ADAMTSL1: variants seen among roughly 807,000 people sequenced by gnomAD.
ADAMTSL1 encodes the protein ADAMTS-like protein 1.
ADAMTSL1 carries 126 observed loss-of-function variants against 201.8 expected under a neutral mutation model. That is an observed-to-expected ratio of 0.62 (90% CI 0.54 to 0.72). The LOEUF (loss-of-function observed/expected upper bound fraction) is 0.72, where lower values mean the gene tolerates loss of function less well. Ranked by LOEUF, ADAMTSL1 falls within the 30% of genes least tolerant of loss-of-function variation. The pLI, the probability that ADAMTSL1 is intolerant of heterozygous loss-of-function variation, is 0.00. For synonymous variants in ADAMTSL1, 1,121 were observed against 903.4 expected (o/e 1.24, Z -4.32); for missense variants, 2,679 against 2,277.8 (o/e 1.18, Z -3.59).
At chr9:18,313,366 C>T (rs1053986378) in intron 2 of ADAMTSL1, among the ~76,000 whole-genome samples, 2 of 152,092 alleles carry the variant, frequency 1.3e-5, no homozygotes, top group Non-Finnish European at 2.9e-5. Flanking sequence ...TTACCTCACC[C>T]CAGGTGAGTT....
Position 18,890,729 on chromosome 9 carries a change from C to G in ADAMTSL1, c.4643+981C>G, listed in dbSNP as rs75980004. On this transcript the variant is annotated intron_variant, in intron 25 of 28. Transcript: ENST00000380548. ...GCCCGCTCCTTTCTCAAACCCCCCC[C>G]ACCCCAGCTCCTGAAAAATTGCTGA... 1,831 of 356,196 alleles carry G rather than the reference C, an allele frequency of 5.1e-3. 124 individuals carry two copies. The East Asian group carries it at 0.13, about 26-fold the overall frequency. 22.1% of individuals were successfully genotyped at this position (356,196 alleles called of 1,614,324 possible).
chr9:18,625,936 G>A (rs372317400), intron 5 of ADAMTSL1, among the ~76,000 whole-genome samples: 1 of 152,150 alleles, frequency 6.6e-6, no homozygotes, highest in African/African-American at 2.4e-5. Context: ...ACGTATAATG[G>A]CTATGGGTAA....
intron 2 of ADAMTSL1, among the ~76,000 whole-genome samples, chr9:18,179,206 G>T (rs891140918): frequency 2.0e-5 from 3 of 152,096 alleles, no homozygotes; most frequent in Non-Finnish European, 4.4e-5. Flanking sequence ...TGAAAACCAA[G>T]GCTCGAGAAC....
chr9:18,063,031 T>C (rs927794909), intron 1 of ADAMTSL1, among the ~76,000 whole-genome samples: 3 of 152,224 alleles, frequency 2.0e-5, no homozygotes, highest in African/African-American at 7.2e-5. Flanking sequence ...AGTTTTCATA[T>C]TACAAAAAAG....
chr9:18,707,911 C>G (rs1173066921), intron 14 of ADAMTSL1, among the ~76,000 whole-genome samples: 2 of 152,202 alleles, frequency 1.3e-5, no homozygotes, highest in African/African-American at 4.8e-5. Flanking sequence ...ACTGATTCTT[C>G]AAGATTACGA....
chr9:18,290,686 A>G (rs79983969), intron 2 of ADAMTSL1, among the ~76,000 whole-genome samples: 3,105 of 152,126 alleles, frequency 0.02, 42 homozygotes, highest in Non-Finnish European at 0.031. Flanking sequence ...AAAACAACCA[A>G]TGAAAGAAGG....
At chr9:18,567,958 A>G (rs1409449367) in intron 3 of ADAMTSL1, among the ~76,000 whole-genome samples, 2 of 152,344 alleles carry the variant, frequency 1.3e-5, no homozygotes, top group Middle Eastern at 3.4e-3. Flanking sequence ...CTATGCAGTT[A>G]TAACTCTATG....
intron 19 of ADAMTSL1, among the ~76,000 whole-genome samples, chr9:18,783,381 C>A (rs1821516515): frequency 6.6e-6 from 1 of 152,152 alleles, no homozygotes; most frequent in Non-Finnish European, 1.5e-5. Flanking sequence ...ACTCCCACAT[C>A]CTCCCCTACC....
chr9:18,606,350 T>C (rs1489912805), intron 4 of ADAMTSL1, among the ~76,000 whole-genome samples: 3 of 152,138 alleles, frequency 2.0e-5, no homozygotes, highest in African/African-American at 7.2e-5. Context: ...TATCTTTGTT[T>C]TTTGAGTGCC....
intron 2 of ADAMTSL1, among the ~76,000 whole-genome samples, chr9:18,328,006 C>G (rs1344077348): frequency 6.6e-6 from 1 of 151,988 alleles, no homozygotes; most frequent in Non-Finnish European, 1.5e-5. Context: ...AAAAGAAATC[C>G]ACACTGGAAA....
chr9:18,741,486 A>C (rs1057501138), intron 15 of ADAMTSL1, among the ~76,000 whole-genome samples: 1 of 152,236 alleles, frequency 6.6e-6, no homozygotes, highest in Non-Finnish European at 1.5e-5. Context: ...ACTCATGAAT[A>C]TAAATGTCCA....
At chr9:18,504,986 T>G in intron 2 of ADAMTSL1, 30 bp downstream of exon 2, 1 of 1,587,920 alleles carries the variant, frequency 6.3e-7, no homozygotes, top group South Asian at 1.1e-5. Flanking sequence ...GGGGTCTTTG[T>G]GAGAACCAGA....
At chr9:18,833,186 T>C (rs1825098627) in intron 23 of ADAMTSL1, among the ~76,000 whole-genome samples, 1 of 152,238 alleles carries the variant, frequency 6.6e-6, no homozygotes, top group African/African-American at 2.4e-5. Flanking sequence ...CAAGTGCTTG[T>C]TGCTCTCATA....
chr9:18,235,809 C>G (rs561417280), intron 2 of ADAMTSL1, among the ~76,000 whole-genome samples: 13 of 152,248 alleles, frequency 8.5e-5, no homozygotes, highest in South Asian at 2.1e-4. Flanking sequence ...AAAGGCCAAG[C>G]TGAAGGTCCT....
At chr9:18,315,486 C>G (rs564544167) in intron 2 of ADAMTSL1, among the ~76,000 whole-genome samples, 10 of 152,238 alleles carry the variant, frequency 6.6e-5, no homozygotes, top group African/African-American at 2.4e-4. Context: ...GAGCCCTGTC[C>G]TGTGGGGAGG....
At chr9:18,796,906 G>A (rs1277047516) in intron 20 of ADAMTSL1, 3 of 152,222 alleles carry the variant, frequency 2.0e-5, no homozygotes, top group African/African-American at 4.8e-5. Flanking sequence ...CTGGCAGATA[G>A]TGGCTCTTGC....
intron 1 of ADAMTSL1, among the ~76,000 whole-genome samples, chr9:18,044,758 A>T (rs1236314439): frequency 6.6e-6 from 1 of 152,118 alleles, no homozygotes; most frequent in African/African-American, 2.4e-5. Context: ...ATTTTACCTT[A>T]TCTGGATTTA....
intron 1 of ADAMTSL1, among the ~76,000 whole-genome samples, chr9:17,972,080 A>C (rs2383058): frequency 5.9e-5 from 9 of 151,956 alleles, no homozygotes; most frequent in African/African-American, 1.9e-4. Context: ...TAACATATTC[A>C]TCATCTCACA....
chr9:18,837,635 G>A (rs762601286), intron 23 of ADAMTSL1, among the ~76,000 whole-genome samples: 4 of 152,054 alleles, frequency 2.6e-5, no homozygotes, highest in Non-Finnish European at 5.9e-5. Flanking sequence ...ATACTCAAGG[G>A]GATCCTCTGC....
Sources: gnomAD v4.1 joint callset for allele counts (sites outside exome capture counted in the v4.1 genomes callset) on GRCh38, gnomAD v4.1.1 for gene constraint, MANE v1.5 for transcripts, NCBI Gene and HGNC (gene_info 2026-07-23, HGNC 2026-07-21) for gene names.